Variants in MGAT4C observed in about 807,000 individuals in gnomAD.
MGAT4C encodes MGAT4 family member C.
Under a neutral mutation model 40.1 loss-of-function variants are expected in MGAT4C, and 19 were observed. The ratio of observed to expected loss-of-function variants is 0.47; its 90% confidence interval spans 0.33 to 0.70. MGAT4C has a LOEUF of 0.70. Ranked by LOEUF, MGAT4C falls within the 30% of genes least tolerant of loss-of-function variation. The pLI is 0.02. For missense variants in MGAT4C, 491 were observed against 563.2 expected (o/e 0.87, Z 1.30); for synonymous variants, 181 against 187.1 (o/e 0.97, Z 0.27).
chr12:86,009,301 A>G (rs915047406), intron 2 of MGAT4C, among the ~76,000 whole-genome samples: 1 of 152,152 alleles, frequency 6.6e-6, no homozygotes, highest in Admixed American at 6.5e-5. Context: ...GTTCCTTTCC[A>G]GTGATTCTTT....
intron 2 of MGAT4C, among the ~76,000 whole-genome samples, chr12:86,696,767 T>C (rs1440894141): frequency 1.3e-5 from 2 of 152,222 alleles, no homozygotes; most frequent in East Asian, 3.8e-4. Flanking sequence ...TGTGGCATTA[T>C]GATTAATTAG....
At chr12:86,703,572 T>G (rs576189707) in intron 2 of MGAT4C, among the ~76,000 whole-genome samples, 2 of 152,176 alleles carry the variant, frequency 1.3e-5, no homozygotes, top group African/African-American at 2.4e-5. Context: ...ATAAAGTATT[T>G]TTTAATTAAA....
At chr12:86,794,887 C>A (rs1308442388) in intron 1 of MGAT4C, among the ~76,000 whole-genome samples, 3 of 151,678 alleles carry the variant, frequency 2.0e-5, no homozygotes, top group Non-Finnish European at 4.4e-5. Flanking sequence ...CACACAAAAG[C>A]CAATATCATT....
intron 2 of MGAT4C, among the ~76,000 whole-genome samples, chr12:86,031,910 T>C (rs1438781966): frequency 6.6e-6 from 1 of 151,824 alleles, no homozygotes; most frequent in Non-Finnish European, 1.5e-5. Context: ...GATCCTCATC[T>C]TTCTCTTACC....
intron 1 of MGAT4C, among the ~76,000 whole-genome samples, chr12:86,102,422 C>T (rs756079700): frequency 4.6e-5 from 7 of 151,550 alleles, no homozygotes; most frequent in South Asian, 4.2e-4. Context: ...ACAAAACAAA[C>T]GAAAAGCACA....
At chr12:86,157,139 A>AC (rs1045195311) in intron 1 of MGAT4C, among the ~76,000 whole-genome samples, 27 of 151,828 alleles carry the variant, frequency 1.8e-4, no homozygotes, top group Non-Finnish European at 2.2e-4. Flanking sequence ...ATGAAAAAAA[A>AC]CAGTTTACAC....
chr12:86,813,863 C>T (rs1952527403), intron 1 of MGAT4C, among the ~76,000 whole-genome samples: 5 of 151,898 alleles, frequency 3.3e-5, no homozygotes, highest in Non-Finnish European at 5.9e-5. Context: ...AAAATTTTCT[C>T]TGTAAATGTT....
chr12:86,660,725 G>C (rs1181215956), intron 2 of MGAT4C, among the ~76,000 whole-genome samples: 1 of 152,092 alleles, frequency 6.6e-6, no homozygotes, highest in Non-Finnish European at 1.5e-5. Context: ...CTGTCAGTTA[G>C]GATGTTTAAT....
intron 2 of MGAT4C, among the ~76,000 whole-genome samples, chr12:86,693,292 A>T (rs1247560424): frequency 6.6e-6 from 1 of 152,160 alleles, no homozygotes; most frequent in African/African-American, 2.4e-5. Context: ...TCATTCATTG[A>T]CCAGTAACTT....
intron 2 of MGAT4C, among the ~76,000 whole-genome samples, chr12:86,496,967 A>G (rs1358045684): frequency 6.6e-6 from 1 of 152,056 alleles, no homozygotes; most frequent in Non-Finnish European, 1.5e-5. Context: ...TATTCTAAGA[A>G]GGAAAATATA....
At chr12:86,559,694 A>G (rs1449127202) in intron 2 of MGAT4C, among the ~76,000 whole-genome samples, 1 of 151,972 alleles carries the variant, frequency 6.6e-6, no homozygotes, top group Non-Finnish European at 1.5e-5. Flanking sequence ...GCCTACATCA[A>G]AAAGGATAAA....
intron 4 of MGAT4C, among the ~76,000 whole-genome samples, chr12:86,268,539 G>A (rs1346883444): frequency 1.3e-5 from 2 of 149,876 alleles, no homozygotes; most frequent in African/African-American, 4.9e-5. Context: ...ATACTTTTAC[G>A]GACTCATAGA....
intron 1 of MGAT4C, among the ~76,000 whole-genome samples, chr12:86,178,010 C>T (rs993944224): frequency 1.3e-5 from 2 of 152,098 alleles, no homozygotes; most frequent in Admixed American, 1.3e-4. Flanking sequence ...GATATTGGCT[C>T]ACTGCAAGCT....
intron 1 of MGAT4C, among the ~76,000 whole-genome samples, chr12:86,805,976 T>C (rs1306112033): frequency 6.6e-6 from 1 of 151,986 alleles, no homozygotes; most frequent in Non-Finnish European, 1.5e-5. Context: ...TTAGTGATGT[T>C]AAACATTTTT....
At chr12:86,628,368 C>T (rs1325104491) in intron 2 of MGAT4C, among the ~76,000 whole-genome samples, 2 of 151,988 alleles carry the variant, frequency 1.3e-5, no homozygotes, top group East Asian at 1.9e-4. Flanking sequence ...CAAGTCAGGC[C>T]ACATTCAAAT....
intron 2 of MGAT4C, among the ~76,000 whole-genome samples, chr12:86,659,678 G>T (rs895617701): frequency 6.6e-6 from 1 of 152,008 alleles, no homozygotes; most frequent in African/African-American, 2.4e-5. Flanking sequence ...TCAGAAAAGA[G>T]ACTTAGCTCC....
intron 2 of MGAT4C, among the ~76,000 whole-genome samples, chr12:86,723,815 A>AT (rs1460095811): frequency 4.9e-4 from 75 of 152,258 alleles, no homozygotes; most frequent in Non-Finnish European, 7.4e-5. Flanking sequence ...CTATTGTAAC[A>AT]TTTTTCAGTT....
chr12:86,587,343 T>G (rs1961095320), intron 2 of MGAT4C, among the ~76,000 whole-genome samples: 1 of 152,146 alleles, frequency 6.6e-6, no homozygotes, highest in Admixed American at 6.6e-5. Flanking sequence ...CCATGCTGTT[T>G]TGGTTACTGT....
intron 1 of MGAT4C, among the ~76,000 whole-genome samples, chr12:86,822,873 TG>T (rs1391675848): frequency 2.6e-5 from 4 of 151,026 alleles, no homozygotes; most frequent in Non-Finnish European, 3.0e-5. Context: ...TCTTCACCAG[TG>T]CACATAGAAT....
Sources: gnomAD v4.1 joint callset for allele counts (sites outside exome capture counted in the v4.1 genomes callset) on GRCh38, gnomAD v4.1.1 for gene constraint, MANE v1.5 for transcripts, NCBI Gene and HGNC (gene_info 2026-07-23, HGNC 2026-07-21) for gene names.